Variants in TNIK observed in about 807,000 individuals in gnomAD.
TNIK encodes the protein TRAF2 and NCK interacting kinase, also known as TRAF2 and NCK-interacting protein kinase.
Under a neutral mutation model 191.3 loss-of-function variants are expected in TNIK, and 49 were observed. That is an observed-to-expected ratio of 0.26 (90% confidence interval 0.20 to 0.32). The LOEUF (loss-of-function observed/expected upper bound fraction) is 0.32, where lower values mean the gene tolerates loss of function less well. TNIK is among the 10% of genes least tolerant of loss of function. The probability of loss-of-function intolerance (pLI) is 1.00; values close to 1 mark genes in which losing one functional copy is unlikely to be tolerated. For missense variants in TNIK, 1,155 were observed against 1,702.3 expected, an observed-to-expected ratio of 0.68 and a Z score of 5.66; for synonymous variants, 594 against 600.9, an observed-to-expected ratio of 0.99 and a Z score of 0.17.
At chr3:171,440,013 A>G (rs776520247) in intron 1 of TNIK, among the ~76,000 whole-genome samples, 3 of 152,172 alleles carry the variant, frequency 2.0e-5, no homozygotes, top group Non-Finnish European at 2.9e-5. Context: ...AAGCCTGCAC[A>G]GTTTTCCTGT....
At chr3:171,096,137 C>T (rs544468654) in intron 22 of TNIK, among the ~76,000 whole-genome samples, 38 of 152,280 alleles carry the variant, frequency 2.5e-4, no homozygotes, top group African/African-American at 9.1e-4. Flanking sequence ...TCTTATTTAT[C>T]AGAAAGGGGT....
At chr3:171,355,718 G>T (rs190404918) in intron 2 of TNIK, among the ~76,000 whole-genome samples, 9 of 152,304 alleles carry the variant, frequency 5.9e-5, no homozygotes, top group African/African-American at 2.2e-4. Flanking sequence ...GGAAAAAAGT[G>T]AATAATGTGA....
rs61133420 is a variant in TNIK, at chr3:171,149,290, GTACTCTAGA to G, written c.1221+8161_1221+8169del. On this transcript the variant is annotated intron_variant, in intron 12 of 32. Transcript: ENST00000436636. ...AAGCCATCCCTACCTTCCATGCAAG[GTACTCTAGA>G]TACACCAAGGATCAGCAACTGCCTA... is the stretch of plus-strand genomic sequence containing the variant. Among the ~76,000 whole-genome samples, 1,226 of 152,254 alleles carry G rather than the reference GTACTCTAGA, an allele frequency of 8.1e-3. 25 individuals carry two copies. The highest frequency in any genetic ancestry group is 0.028 in the African/African-American group (1,171 of 41,544).
At chr3:171,224,343 G>A (rs1742723781) in intron 3 of TNIK, among the ~76,000 whole-genome samples, 1 of 152,004 alleles carries the variant, frequency 6.6e-6, no homozygotes, top group Non-Finnish European at 1.5e-5. Context: ...CATTGTAAAG[G>A]CAAAAGCTTA....
intron 12 of TNIK, among the ~76,000 whole-genome samples, chr3:171,149,066 A>G (rs1404939956): frequency 2.6e-5 from 4 of 152,238 alleles, no homozygotes; most frequent in Admixed American, 6.5e-5. Flanking sequence ...AATCAAAATA[A>G]AAGCAATTCA....
chr3:171,307,519 TATTGA>T (rs1275579691), intron 2 of TNIK, among the ~76,000 whole-genome samples: 1 of 152,166 alleles, frequency 6.6e-6, no homozygotes, highest in Non-Finnish European at 1.5e-5. Flanking sequence ...GATTAGAAAC[TATTGA>T]ATTTCGTTCT....
chr3:171,367,497 T>C (rs1318895648), intron 2 of TNIK, among the ~76,000 whole-genome samples: 1 of 148,060 alleles, frequency 6.8e-6, no homozygotes, highest in African/African-American at 2.5e-5. Context: ...GGGGACAGAG[T>C]CCCACTCTCT....
chr3:171,311,464 TGTA>T (rs572652048), intron 2 of TNIK, among the ~76,000 whole-genome samples: 1 of 152,160 alleles, frequency 6.6e-6, no homozygotes, highest in Non-Finnish European at 1.5e-5. Flanking sequence ...ATCCATCACT[TGTA>T]GTACATAGAT....
chr3:171,188,780 A>G lies in TNIK; in HGVS notation c.561T>C (p.Thr187=), dbSNP rs752274926. Residue 187 remains threonine, a synonymous_variant, in exon 7 of 33, where the codon ACT becomes ACC. Coordinates refer to ENST00000436636, the MANE Select transcript of TNIK (RefSeq NM_015028.4). The part of the protein sequence containing the change: ...QLDRTVGRRN[T]FIGTPYWMAP... ...CCATCCAGTAGGGAGTTCCAATGAA[A>G]GTATTCCTCCTGCCCACTGTTCGAT... 11 of 1,613,606 alleles carry G rather than the reference A, an allele frequency of 6.8e-6. No individual in the cohort carries two copies. The highest frequency in any genetic ancestry group is 4.5e-5 in the East Asian group (2 of 44,888).
At chr3:171,144,069 T>C (rs1200781609) in intron 12 of TNIK, among the ~76,000 whole-genome samples, 1 of 152,192 alleles carries the variant, frequency 6.6e-6, no homozygotes, top group Non-Finnish European at 1.5e-5. Flanking sequence ...AAGATAGTGG[T>C]CCTGCTATCA....
chr3:171,346,938 C>A (rs1249725972), intron 2 of TNIK: 1 of 502,112 alleles, frequency 2.0e-6, no homozygotes, highest in South Asian at 3.4e-5. Context: ...GAGACATGAT[C>A]AAATAAGCAT....
At chr3:171,298,860 A>C (rs13099117) in intron 2 of TNIK, among the ~76,000 whole-genome samples, 69,016 of 152,150 alleles carry the variant, frequency 0.45, 16,359 homozygotes, top group Non-Finnish European at 0.51. Context: ...AGCTTCACAA[A>C]ACTCTGGATG....
chr3:171,406,162 G>A (rs1293069665), intron 1 of TNIK, among the ~76,000 whole-genome samples: 1 of 150,588 alleles, frequency 6.6e-6, no homozygotes, highest in African/African-American at 2.4e-5. Flanking sequence ...AGCTAGAAGT[G>A]AAAAAAAAAA....
chr3:171,097,247 G>A (rs1027079185), intron 22 of TNIK, among the ~76,000 whole-genome samples: 1 of 152,144 alleles, frequency 6.6e-6, no homozygotes, highest in African/African-American at 2.4e-5. Flanking sequence ...TGGCAAAAAG[G>A]CATTGATCTA....
At chr3:171,432,012 A>G (rs2108661814) in intron 1 of TNIK, among the ~76,000 whole-genome samples, 1 of 152,276 alleles carries the variant, frequency 6.6e-6, no homozygotes, top group East Asian at 1.9e-4. Flanking sequence ...TGCAAAACGT[A>G]ATATATAAAA....
At chr3:171,121,037 T>A (rs1023135311) in intron 18 of TNIK, among the ~76,000 whole-genome samples, 27 of 152,316 alleles carry the variant, frequency 1.8e-4, no homozygotes, top group African/African-American at 6.3e-4. Flanking sequence ...CAAAACATCC[T>A]GAATCTGTCC....
At chr3:171,359,873 T>C (rs764516653) in intron 2 of TNIK, among the ~76,000 whole-genome samples, 1 of 152,132 alleles carries the variant, frequency 6.6e-6, no homozygotes, top group Non-Finnish European at 1.5e-5. Flanking sequence ...CTGGCGGGGT[T>C]TCATTTTACA....
chr3:171,178,704 A>G (rs1447716337), intron 7 of TNIK, among the ~76,000 whole-genome samples: 5 of 152,222 alleles, frequency 3.3e-5, no homozygotes, highest in African/African-American at 9.6e-5. Flanking sequence ...AAGAAAATCT[A>G]GTATCAAATT....
At chr3:171,262,048 G>T (rs953089200) in intron 2 of TNIK, among the ~76,000 whole-genome samples, 7 of 152,186 alleles carry the variant, frequency 4.6e-5, no homozygotes. Flanking sequence ...TAGCCACTCT[G>T]GGGGTCACTG....
Sources: gnomAD v4.1 joint callset for allele counts (sites outside exome capture counted in the v4.1 genomes callset) on GRCh38, gnomAD v4.1.1 for gene constraint, MANE v1.5 for transcripts, NCBI Gene and HGNC (gene_info 2026-07-23, HGNC 2026-07-21) for gene names.